CCND3: variants seen among roughly 807,000 people sequenced by gnomAD.
CCND3 encodes G1/S-specific cyclin-D3.
In CCND3, 9 loss-of-function variants were observed where a neutral mutation model predicts 28.7. The observed-to-expected ratio is 0.31, with a 90% CI of 0.19 to 0.55. The LOEUF is 0.55. Ranked by LOEUF, CCND3 falls within the 20% of genes least tolerant of loss-of-function variation. The pLI is 0.93. For missense variants in CCND3, 315 were observed against 385.8 expected, an observed-to-expected ratio of 0.82 and a Z score of 1.54; for synonymous variants, 164 against 163.9, an observed-to-expected ratio of 1.00 and a Z score of 0.00.
chr6:42,011,491 G>A (rs1763345014), intron 1 of CCND3, among the ~76,000 whole-genome samples: 2 of 152,156 alleles, frequency 1.3e-5, no homozygotes, highest in Admixed American at 1.3e-4. Flanking sequence ...AGGAGGTCTG[G>A]AGTGGGGTCC....
intron 1 of CCND3, among the ~76,000 whole-genome samples, chr6:41,954,791 A>C (rs1192473400): frequency 6.6e-6 from 1 of 152,176 alleles, no homozygotes; most frequent in Admixed American, 6.5e-5. Flanking sequence ...CAATTGTCCT[A>C]CAGTGATGGG....
chr6:41,967,859 C>T (rs1761930275), intron 1 of CCND3, among the ~76,000 whole-genome samples: 1 of 152,206 alleles, frequency 6.6e-6, no homozygotes. Context: ...CACTAATGTC[C>T]ACATCCTTCA....
At chr6:42,036,469 G>A (rs1417001499) in intron 1 of CCND3, among the ~76,000 whole-genome samples, 5 of 131,084 alleles carry the variant, frequency 3.8e-5, no homozygotes, top group African/African-American at 8.9e-5. Context: ...GAGTGCAGTG[G>A]CACAATCACT....
At chr6:41,985,137 CAG>C (rs1762450364) in intron 1 of CCND3, among the ~76,000 whole-genome samples, 1 of 151,902 alleles carries the variant, frequency 6.6e-6, no homozygotes, top group Non-Finnish European at 1.5e-5. Context: ...CTTTGCTATA[CAG>C]AGTTTTAGTT....
chr6:41,999,634 C>T (rs1008343689), intron 1 of CCND3, among the ~76,000 whole-genome samples: 2 of 152,088 alleles, frequency 1.3e-5, no homozygotes, highest in African/African-American at 4.8e-5. Flanking sequence ...ATGGCTCACA[C>T]CTATAATCCC....
At chr6:41,947,816 G>A (rs533632021) in intron 1 of CCND3, among the ~76,000 whole-genome samples, 1 of 152,158 alleles carries the variant, frequency 6.6e-6, no homozygotes, top group South Asian at 2.1e-4. Flanking sequence ...TACAGTGGTA[G>A]CCTCCTGCCG....
At chr6:42,049,868 T>C (rs1212774002), upstream of CCND3, 1 of 152,154 alleles carries the variant, frequency 6.6e-6, no homozygotes, top group African/African-American at 2.4e-5. Context: ...AAGCCCCTCT[T>C]CCAGAGAGTG....
intron 1 of CCND3, among the ~76,000 whole-genome samples, chr6:41,969,331 C>G (rs1761972563): frequency 1.3e-5 from 2 of 151,770 alleles, no homozygotes; most frequent in Admixed American, 6.6e-5. Context: ...GGCCAACCAA[C>G]ATGGTGCAAC....
intron 1 of CCND3, among the ~76,000 whole-genome samples, chr6:41,971,208 G>A (rs542793818): frequency 1.3e-5 from 2 of 152,266 alleles, no homozygotes; most frequent in South Asian, 2.1e-4. Flanking sequence ...ATGAGCCATC[G>A]CGCCCAGCCT....
chr6:42,037,817 G>C (rs915451311), intron 1 of CCND3, among the ~76,000 whole-genome samples: 4 of 151,850 alleles, frequency 2.6e-5, no homozygotes, highest in Admixed American at 2.0e-4. Context: ...CGGATCATGA[G>C]GTCAGGAGTT....
chr6:41,975,842 T>G (rs1582124073), intron 1 of CCND3, among the ~76,000 whole-genome samples: 1 of 150,804 alleles, frequency 6.6e-6, no homozygotes, highest in South Asian at 2.1e-4. Context: ...AGCCATTCTG[T>G]TTTTGTCTGT....
At chr6:41,967,204 G>C (rs1761911999) in intron 1 of CCND3, among the ~76,000 whole-genome samples, 1 of 152,146 alleles carries the variant, frequency 6.6e-6, no homozygotes, top group South Asian at 2.1e-4. Context: ...TTTGAAAGGG[G>C]GAAGGCGGAG....
rs376278514 is a variant in CCND3, at chr6:41,936,413, C to T, written c.711+146G>A. 1 of 953,026 alleles carries T rather than the reference C, an allele frequency of 1.0e-6. No individual in the cohort carries two copies. The highest frequency in any genetic ancestry group is 1.6e-6 in the Non-Finnish European group (1 of 631,182). The allele number at this position is 953,026 out of a possible 1,614,324, so 59.0% of individuals were successfully genotyped here. On this transcript the variant is annotated intron_variant, in intron 4 of 4. Transcript: ENST00000372991. This position sits in a 1 kb window ranked among gnomAD's most constrained non-coding sequence, Gnocchi z 4.4. ...ATACTTGCTCTTCCCCAGACCAAGG[C>T]AGGAGATAAAAAGCCACAAAGCCCC...
chr6:42,027,283 C>CA (rs1290013767), intron 1 of CCND3, among the ~76,000 whole-genome samples: 2 of 152,054 alleles, frequency 1.3e-5, no homozygotes, highest in East Asian at 1.9e-4. Flanking sequence ...ACTAAAAATA[C>CA]AAAAAAATTA....
chr6:41,998,546 T>G (rs1762884790), intron 1 of CCND3, among the ~76,000 whole-genome samples: 1 of 151,424 alleles, frequency 6.6e-6, no homozygotes, highest in Non-Finnish European at 1.5e-5. Context: ...CAGGCTGGTC[T>G]CGAACTCCTG....
chr6:42,024,321 T>C (rs1763802024), intron 1 of CCND3, among the ~76,000 whole-genome samples: 1 of 150,826 alleles, frequency 6.6e-6, no homozygotes, highest in Admixed American at 6.7e-5. Flanking sequence ...GAGAATGGCA[T>C]GAACCCAGGA....
intron 1 of CCND3, among the ~76,000 whole-genome samples, chr6:42,023,293 G>A (rs1255264884): frequency 3.3e-5 from 5 of 152,172 alleles, no homozygotes; most frequent in South Asian, 2.1e-4. Context: ...TAGGGCTGAC[G>A]TGCTGGCGAA....
intron 1 of CCND3, among the ~76,000 whole-genome samples, chr6:42,046,718 C>G (rs139797175): frequency 1.3e-5 from 2 of 152,300 alleles, no homozygotes; most frequent in South Asian, 2.1e-4. Context: ...CAACTCTATT[C>G]CAGGCCTGCT....
chr6:42,016,501 G>A (rs1470029972), intron 1 of CCND3, among the ~76,000 whole-genome samples: 6 of 151,582 alleles, frequency 4.0e-5, no homozygotes, highest in Non-Finnish European at 4.4e-5. Flanking sequence ...CAGTTGGGAA[G>A]TATTAGTGAG....
Sources: gnomAD v4.1 joint callset for allele counts (sites outside exome capture counted in the v4.1 genomes callset) on GRCh38, gnomAD v4.1.1 for gene constraint, Gnocchi (gnomAD v3.1) non-coding constraint, MANE v1.5 for transcripts, NCBI Gene and HGNC (gene_info 2026-07-23, HGNC 2026-07-21) for gene names.